CPVL: variants seen among roughly 807,000 people sequenced by gnomAD.
The protein encoded by CPVL is carboxypeptidase vitellogenic like, also known as probable serine carboxypeptidase CPVL.
Under a neutral mutation model 63.7 loss-of-function variants are expected in CPVL, and 51 were observed. The ratio of observed to expected loss-of-function variants is 0.80; its 90% CI spans 0.64 to 1.01. The LOEUF is 1.01. CPVL is among the 50% of genes least tolerant of loss of function. CPVL has a pLI of 0.00. For missense variants in CPVL, 530 were observed against 573.1 expected, an observed-to-expected ratio of 0.92 and a Z score of 0.77; for synonymous variants, 195 against 206.0, an observed-to-expected ratio of 0.95 and a Z score of 0.46.
At chr7:29,066,002 T>G in intron 10 of CPVL, 21 bp downstream of exon 10, 1 of 1,416,908 alleles carries the variant, frequency 7.1e-7, no homozygotes, top group Non-Finnish European at 9.8e-7. Flanking sequence ...AACATTATTA[T>G]GGTTTTTAAA....
chr7:29,134,491 A>C (rs1406556473), intron 1 of CPVL, among the ~76,000 whole-genome samples: 1 of 152,218 alleles, frequency 6.6e-6, no homozygotes, highest in Non-Finnish European at 1.5e-5. Context: ...ATAAAAACTC[A>C]CAAGAAATAG....
rs1346584967 is a variant in CPVL at position 29,071,837 on chromosome 7, A to C, written c.800T>G (p.Phe267Cys). The C allele has an allele frequency of 6.2e-7, 1 of 1,613,790 alleles. No individual in the cohort carries two copies. The highest frequency in any genetic ancestry group is 2.2e-5 in the East Asian group (1 of 44,848). Residue 267 changes from phenylalanine (F) to cysteine (C), a missense_variant, in exon 9 of 13, where the codon TTC becomes TGC. Physicochemically the swap from Phe to Cys is radical, Grantham distance 205. Coordinates refer to ENST00000265394, the MANE Select transcript of CPVL (RefSeq NM_031311.5). Reference protein sequence around the residue: ...GLLDEKQKKYFQKQCHECIEH... With the variant: ...GLLDEKQKKYCQKQCHECIEH... ...TATGCATTCATGGCACTGCTTCTGG[A>C]AGTACTTTTTTTGCTTCTCATCCAA...
intron 1 of CPVL, among the ~76,000 whole-genome samples, chr7:29,134,655 G>C (rs562246583): frequency 1.1e-4 from 16 of 152,012 alleles, no homozygotes; most frequent in African/African-American, 3.9e-4. Flanking sequence ...TTTGATAAAA[G>C]GACAGTGCAA....
chr7:29,081,292 T>C (rs970561055), intron 7 of CPVL: 8 of 152,270 alleles, frequency 5.3e-5, no homozygotes, highest in African/African-American at 1.9e-4. Flanking sequence ...AGTATGTTTT[T>C]TTCATGCCTT....
chr7:29,024,823 C>T (rs1787333591), intron 12 of CPVL, among the ~76,000 whole-genome samples: 1 of 152,142 alleles, frequency 6.6e-6, no homozygotes, highest in Non-Finnish European at 1.5e-5. Context: ...ATTGGACTGG[C>T]CCTACAAGAA....
intron 5 of CPVL, among the ~76,000 whole-genome samples, chr7:29,172,416 A>C (rs1796721097): frequency 6.6e-6 from 1 of 152,154 alleles, no homozygotes; most frequent in Non-Finnish European, 1.5e-5. Context: ...AATATGCTGT[A>C]ACAATAATCT....
intron 9 of CPVL, among the ~76,000 whole-genome samples, chr7:29,071,503 G>T (rs898995733): frequency 2.0e-5 from 3 of 152,150 alleles, no homozygotes; most frequent in African/African-American, 7.2e-5. Context: ...AGCATTTAAA[G>T]AAATCAAAAC....
At chr7:29,162,449 G>T (rs909693404) in intron 5 of CPVL, among the ~76,000 whole-genome samples, 3 of 152,108 alleles carry the variant, frequency 2.0e-5, no homozygotes, top group South Asian at 2.1e-4. Flanking sequence ...ATCACCTGAG[G>T]TCGGGAGTTC....
chr7:29,043,436 T>G (rs149571760), intron 11 of CPVL, among the ~76,000 whole-genome samples: 60 of 152,268 alleles, frequency 3.9e-4, no homozygotes, highest in Middle Eastern at 6.8e-3. Context: ...GTTGGGAGAC[T>G]AAAGCATCCT....
intron 5 of CPVL, among the ~76,000 whole-genome samples, chr7:29,165,174 G>T (rs1363283035): frequency 6.6e-6 from 1 of 152,034 alleles, no homozygotes; most frequent in Non-Finnish European, 1.5e-5. Flanking sequence ...TATAGTTTTT[G>T]ATTTATGGGC....
chr7:29,097,059 T>C (rs1287852735), intron 3 of CPVL, among the ~76,000 whole-genome samples: 1 of 129,592 alleles, frequency 7.7e-6, no homozygotes, highest in Non-Finnish European at 1.6e-5. Context: ...GGTGGAAAAA[T>C]GAGGAGGAGC....
intron 11 of CPVL, among the ~76,000 whole-genome samples, chr7:29,036,617 TCA>T (rs1261357877): frequency 6.6e-6 from 1 of 152,208 alleles, no homozygotes; most frequent in East Asian, 1.9e-4. Flanking sequence ...CCACTGCATC[TCA>T]GTCTTTTCTT....
intron 5 of CPVL, among the ~76,000 whole-genome samples, chr7:29,151,814 A>G (rs898913153): frequency 5.9e-5 from 9 of 152,078 alleles, no homozygotes; most frequent in Admixed American, 6.5e-5. Context: ...AACACCACCA[A>G]TCCTACAAGG....
At chr7:29,112,880 T>C in intron 2 of CPVL, 58 bp from the exon 3 acceptor site, 1 of 1,160,640 alleles carries the variant, frequency 8.6e-7, no homozygotes, top group Non-Finnish European at 1.3e-6. Flanking sequence ...AACAAAAATG[T>C]GAGCCATCTA....
chr7:29,142,375 A>G (rs1479390770), intron 1 of CPVL, among the ~76,000 whole-genome samples: 1 of 152,158 alleles, frequency 6.6e-6, no homozygotes, highest in Non-Finnish European at 1.5e-5. Flanking sequence ...ATGTTTGTTC[A>G]GTCCTGACAT....
intron 5 of CPVL, among the ~76,000 whole-genome samples, chr7:29,168,977 C>A (rs962680199): frequency 1.3e-5 from 2 of 152,064 alleles, no homozygotes; most frequent in Non-Finnish European, 2.9e-5. Context: ...ATAATAAATT[C>A]TATTTGATGA....
intron 1 of CPVL, among the ~76,000 whole-genome samples, chr7:29,135,722 T>C (rs767780315): frequency 3.3e-5 from 5 of 152,140 alleles, no homozygotes; most frequent in Non-Finnish European, 5.9e-5. Context: ...AGATAGGGTC[T>C]CACTCTGTCA....
At chr7:29,033,817 C>G (rs1239185665) in intron 11 of CPVL, among the ~76,000 whole-genome samples, 1 of 152,116 alleles carries the variant, frequency 6.6e-6, no homozygotes, top group Admixed American at 6.5e-5. Flanking sequence ...GGGAGCAAAG[C>G]CACTGCTTTT....
chr7:29,080,039 T>C (rs1417557984), intron 7 of CPVL, among the ~76,000 whole-genome samples: 2 of 151,960 alleles, frequency 1.3e-5, no homozygotes, highest in Non-Finnish European at 2.9e-5. Context: ...GGTGGGAAGA[T>C]GGCCCTGGAA....
Sources: gnomAD v4.1 joint callset for allele counts (sites outside exome capture counted in the v4.1 genomes callset) on GRCh38, gnomAD v4.1.1 for gene constraint, MANE v1.5 for transcripts, NCBI Gene and HGNC (gene_info 2026-07-23, HGNC 2026-07-21) for gene names.